The following PID1 variants were observed in gnomAD, a reference collection of about 807,000 sequenced individuals.
The protein encoded by PID1 is phosphotyrosine interaction domain containing 1.
In PID1, 10 loss-of-function variants were observed where a neutral mutation model predicts 19.1. The ratio of observed to expected loss-of-function variants is 0.52; its 90% CI spans 0.32 to 0.89. The LOEUF is 0.89. Ranked by LOEUF, PID1 falls within the 40% of genes least tolerant of loss-of-function variation. The probability of loss-of-function intolerance (pLI) is 0.03; values close to 1 mark genes in which losing one functional copy is unlikely to be tolerated. For missense variants in PID1, 248 were observed against 285.3 expected (o/e 0.87, Z 0.94); for synonymous variants, 130 against 116.0 (o/e 1.12, Z -0.78).
intron 1 of PID1, among the ~76,000 whole-genome samples, chr2:229,170,611 C>T (rs1690692481): frequency 6.6e-6 from 1 of 152,066 alleles, no homozygotes; most frequent in African/African-American, 2.4e-5. Context: ...CTTTTGCTCT[C>T]TTCTTGATAA....
chr2:229,164,307 A>G (rs1690555390), intron 1 of PID1, among the ~76,000 whole-genome samples: 4 of 152,202 alleles, frequency 2.6e-5, no homozygotes, highest in Admixed American at 2.6e-4. Context: ...TACTCATGAA[A>G]AAAAAAAAAT....
At chr2:229,193,752 A>G (rs1691313580) in intron 1 of PID1, among the ~76,000 whole-genome samples, 2 of 151,768 alleles carry the variant, frequency 1.3e-5, no homozygotes, top group Non-Finnish European at 2.9e-5. Flanking sequence ...AATAGTATGT[A>G]CTTAATAAAA....
intron 1 of PID1, among the ~76,000 whole-genome samples, chr2:229,174,865 T>C (rs991996519): frequency 6.6e-6 from 1 of 152,176 alleles, no homozygotes; most frequent in Admixed American, 6.5e-5. Context: ...GATTGCAACT[T>C]CTTTGATACT....
chr2:229,080,256 G>A lies in PID1; in HGVS notation c.178-54148C>T, dbSNP rs1694642956. Reference sequence around the variant, plus strand: ...TCACTGTCTTCTGGACAAAGTTCAAGGCACTTGAGGCTTTCTGTAATCTGG... The same window carrying A: ...TCACTGTCTTCTGGACAAAGTTCAAAGCACTTGAGGCTTTCTGTAATCTGG... On this transcript the variant is annotated intron_variant, in intron 2 of 2. Transcript: ENST00000392055. Among the ~76,000 whole-genome samples, 4 of 152,190 alleles carry A rather than the reference G, an allele frequency of 2.6e-5. No homozygotes were observed. In the South Asian group the frequency reaches 8.3e-4, roughly 31 times the overall value.
At chr2:229,107,192 C>G (rs148411197) in intron 2 of PID1, among the ~76,000 whole-genome samples, 3 of 152,098 alleles carry the variant, frequency 2.0e-5, no homozygotes, top group African/African-American at 7.2e-5. Flanking sequence ...AAAATGGCCA[C>G]GTGACCCTGC....
chr2:229,090,271 A>C (rs1694845301), intron 2 of PID1, among the ~76,000 whole-genome samples: 1 of 152,238 alleles, frequency 6.6e-6, no homozygotes, highest in African/African-American at 2.4e-5. Context: ...AAAACAGTTC[A>C]AGTAAAGCAA....
At chr2:229,090,838 T>C (rs1311404032) in intron 2 of PID1, among the ~76,000 whole-genome samples, 1 of 152,214 alleles carries the variant, frequency 6.6e-6, no homozygotes, top group African/African-American at 2.4e-5. Context: ...TGCCAGGCAC[T>C]GTGTTACTGC....
intron 1 of PID1, among the ~76,000 whole-genome samples, chr2:229,185,542 G>A (rs576673065): frequency 6.6e-6 from 1 of 152,150 alleles, no homozygotes; most frequent in Non-Finnish European, 1.5e-5. Context: ...ACAATCATGG[G>A]GGAAGGTAAA....
chr2:229,229,151 C>CA (rs1352958520), intron 1 of PID1, among the ~76,000 whole-genome samples: 1 of 152,084 alleles, frequency 6.6e-6, no homozygotes, highest in Non-Finnish European at 1.5e-5. Context: ...AGCTGAGTAA[C>CA]AATTTGTGAG....
intron 2 of PID1, among the ~76,000 whole-genome samples, chr2:229,130,347 C>T (rs990937006): frequency 2.0e-5 from 3 of 152,108 alleles, no homozygotes; most frequent in Admixed American, 6.6e-5. Flanking sequence ...AGAAGCTTGG[C>T]GCAAAGTGAT....
At chr2:229,044,364 G>A (rs927250938) in intron 2 of PID1, among the ~76,000 whole-genome samples, 6 of 151,800 alleles carry the variant, frequency 4.0e-5, no homozygotes, top group African/African-American at 1.5e-4. Context: ...GCTCCTCTCT[G>A]CCCATCCCAC....
rs117878427 is a variant in PID1, at chr2:229,064,942, C to T, written c.178-38834G>A. 3.0e-4 allele frequency among the ~76,000 whole-genome samples: 45 copies of T among 152,164 alleles called. No individual in the cohort carries two copies. In the East Asian group the frequency reaches 6.2e-3, roughly 21 times the overall value. Reference sequence around the variant, plus strand: ...GGAATGGTATGGCAATTCCTTCTAGCGAACAGATGGTGGCTATGAAAACTG... The same window carrying T: ...GGAATGGTATGGCAATTCCTTCTAGTGAACAGATGGTGGCTATGAAAACTG... On this transcript the variant is annotated intron_variant, in intron 2 of 2. Coordinates refer to ENST00000392055, the MANE Select transcript of PID1 (RefSeq NM_001100818.2).
intron 2 of PID1, among the ~76,000 whole-genome samples, chr2:229,144,125 G>T (rs1204943179): frequency 6.6e-6 from 1 of 152,168 alleles, no homozygotes; most frequent in South Asian, 2.1e-4. Context: ...AAGGTGAAAA[G>T]TTGAGAGTAA....
At chr2:229,219,798 G>A (rs1691926541) in intron 1 of PID1, among the ~76,000 whole-genome samples, 1 of 151,934 alleles carries the variant, frequency 6.6e-6, no homozygotes, top group African/African-American at 2.4e-5. Context: ...TGGGTTTATA[G>A]GCATGAGCCA....
intron 2 of PID1, among the ~76,000 whole-genome samples, chr2:229,048,091 T>C (rs1693919605): frequency 6.6e-6 from 1 of 152,240 alleles, no homozygotes; most frequent in Non-Finnish European, 1.5e-5. Flanking sequence ...CTACTCATCA[T>C]ACCAAGAGTT....
At position 229,232,788 on chromosome 2, in the gene PID1, A is replaced by AAT. The variant is rs3997299; in HGVS notation, c.30+38224_30+38225dup. ...GAATATATATACACACACACACATA[A>AAT]ATATATATATATATATATATATATA... On this transcript the variant is annotated intron_variant, in intron 1 of 2. Coordinates refer to ENST00000392055, the MANE Select transcript of PID1 (RefSeq NM_001100818.2). 1.0e-3 allele frequency among the ~76,000 whole-genome samples: 141 copies of AAT among 139,896 alleles called. 1 individual carries two copies. The highest frequency in any genetic ancestry group is 1.7e-3 in the African/African-American group (62 of 37,534). The allele number at this position is 139,896 out of a possible 152,430, so 91.8% of individuals were successfully genotyped here.
chr2:229,036,824 T>C (rs1454433184), intron 2 of PID1, among the ~76,000 whole-genome samples: 2 of 152,202 alleles, frequency 1.3e-5, no homozygotes, highest in African/African-American at 4.8e-5. Flanking sequence ...GGATGAAGCC[T>C]ACTAATTGTC....
chr2:229,262,921 A>G, intron 1 of PID1: 2 of 1,465,358 alleles, frequency 1.4e-6, no homozygotes, highest in Non-Finnish European at 1.8e-6. Flanking sequence ...CATTGGCTCT[A>G]GGGTTCACCC....
intron 2 of PID1, among the ~76,000 whole-genome samples, chr2:229,084,812 G>C (rs2106213806): frequency 6.6e-6 from 1 of 152,298 alleles, no homozygotes; most frequent in Non-Finnish European, 1.5e-5. Flanking sequence ...TCACTCTCTA[G>C]TCACTTGAGA....
Sources: allele counts gnomAD v4.1 joint callset (sites outside exome capture counted in the v4.1 genomes callset), GRCh38; gene constraint gnomAD v4.1.1; transcripts MANE v1.5; gene names NCBI Gene and HGNC (gene_info 2026-07-23, HGNC 2026-07-21).